Variants in LIPI observed in about 807,000 individuals in gnomAD.
LIPI encodes the protein lipase I.
In LIPI, 59 loss-of-function variants were observed where a neutral mutation model predicts 50.6. The observed-to-expected ratio is 1.16, with a 90% CI of 0.94 to 1.45. The LOEUF is 1.45. LIPI is among the 40% of genes most tolerant of loss of function. The pLI, the probability that LIPI is intolerant of heterozygous loss-of-function variation, is 0.00. For missense variants in LIPI, 586 were observed against 536.3 expected, an observed-to-expected ratio of 1.09 and a Z score of -0.92; for synonymous variants, 203 against 178.2, an observed-to-expected ratio of 1.14 and a Z score of -1.11.
rs1166800812 is a variant in LIPI at position 14,165,315 on chromosome 21, A to C, written c.809T>G (p.Phe270Cys). 6.2e-7 allele frequency: 1 copy of C among 1,612,468 alleles called. No homozygotes were observed. Among genetic ancestry groups the C allele is most frequent in the South Asian group, 1.1e-5 (1 of 91,030 alleles). ...GTATGAACGACAAGGAAATGAAATA[A>C]AATTGCAGTTTGTTTCTAAAGATGC... Reference protein sequence around the residue: ...FMASLETNCNFISFPCRSYKD... With the variant: ...FMASLETNCNCISFPCRSYKD... The change falls in exon 6 of 10, where the codon TTT (phenylalanine) becomes TGT (cysteine). Residue 270 changes from phenylalanine (F) to cysteine (C), a missense_variant. Phe to Cys is a radical substitution (Grantham distance 205). Transcript: ENST00000681601.
intron 4 of LIPI, among the ~76,000 whole-genome samples, chr21:14,174,044 T>G (rs2019009493): frequency 6.6e-6 from 1 of 152,176 alleles, no homozygotes; most frequent in Admixed American, 6.5e-5. Context: ...TTTGTGAAAT[T>G]TCCTCATATA....
chr21:14,122,293 T>C (rs1247564490), intron 9 of LIPI, among the ~76,000 whole-genome samples: 1 of 152,204 alleles, frequency 6.6e-6, no homozygotes, highest in African/African-American at 2.4e-5. Flanking sequence ...AACCAGCTAC[T>C]CTGTCTATGA....
intron 5 of LIPI, among the ~76,000 whole-genome samples, chr21:14,166,066 G>C (rs952236051): frequency 6.6e-6 from 1 of 152,128 alleles, no homozygotes; most frequent in African/African-American, 2.4e-5. Context: ...TATGATACTT[G>C]AGCTACATGT....
chr21:14,109,215 A>G, intron 9 of LIPI, 135 bp from the exon 10 acceptor site: 1 of 704,006 alleles, frequency 1.4e-6, no homozygotes. Flanking sequence ...GAGTTGGAAC[A>G]AATATATGGG....
chr21:14,115,589 G>T (rs2016597684), intron 9 of LIPI, among the ~76,000 whole-genome samples: 1 of 152,132 alleles, frequency 6.6e-6, no homozygotes, highest in South Asian at 2.1e-4. Context: ...TTTGCCTATG[G>T]GTTAGAGCCC....
chr21:14,206,890 G>A, intron 1 of LIPI: 11 of 1,612,190 alleles, frequency 6.8e-6, no homozygotes, highest in Non-Finnish European at 9.3e-6. Flanking sequence ...CTATATTTTT[G>A]GCACAAGTTA....
intron 8 of LIPI, among the ~76,000 whole-genome samples, chr21:14,146,772 ATTTTTTTTTTT>A (rs3048482): frequency 5.5e-5 from 4 of 73,372 alleles, no homozygotes; most frequent in African/African-American, 1.2e-4. Context: ...CCCAGTCTCT[ATTTTTTTTTTT>A]TTTTTTTTTT....
chr21:14,132,523 C>G (rs2017335350), intron 9 of LIPI, among the ~76,000 whole-genome samples: 1 of 152,010 alleles, frequency 6.6e-6, no homozygotes, highest in South Asian at 2.1e-4. Flanking sequence ...CAAGCAAATG[C>G]AAAGAAAATT....
At chr21:14,114,422 C>T (rs1019695081) in intron 9 of LIPI, among the ~76,000 whole-genome samples, 49 of 152,032 alleles carry the variant, frequency 3.2e-4, no homozygotes, top group African/African-American at 1.2e-3. Flanking sequence ...AAGTGCAGGC[C>T]CAGGAGAAAG....
In LIPI at chr21:14,184,687, A is replaced by G. The variant is rs900064427; in HGVS notation, c.541+1274T>C. On this transcript the variant is annotated intron_variant, in intron 3 of 9. Transcript: ENST00000681601. ...TTTTAGTACCTGATGATTGCCTGGT[A>G]TTTGGGCCATTCAAGCTAGACTAAT... 6.6e-5 allele frequency among the ~76,000 whole-genome samples: 10 copies of G among 152,148 alleles called. No individual in the cohort carries two copies. In the South Asian group the frequency reaches 1.0e-3, roughly 16 times the overall value.
At chr21:14,199,606 C>CA (rs199532907) in intron 1 of LIPI, among the ~76,000 whole-genome samples, 4,093 of 137,456 alleles carry the variant, frequency 0.03, 85 homozygotes, top group Non-Finnish European at 0.045. Flanking sequence ...GCCTACCAAC[C>CA]AAAAAAAAAA....
intron 1 of LIPI, among the ~76,000 whole-genome samples, chr21:14,191,174 C>A (rs1428168173): frequency 6.6e-6 from 1 of 151,694 alleles, no homozygotes; most frequent in African/African-American, 2.4e-5. Context: ...GTCAGGAGAT[C>A]GAGACCATCC....
At chr21:14,174,632 T>C (rs1004156853) in intron 4 of LIPI, among the ~76,000 whole-genome samples, 1 of 152,104 alleles carries the variant, frequency 6.6e-6, no homozygotes, top group African/African-American at 2.4e-5. Flanking sequence ...CCGCTCACTG[T>C]GATCTCTGCC....
At chr21:14,188,222 A>G (rs949116929) in intron 2 of LIPI, among the ~76,000 whole-genome samples, 4 of 152,220 alleles carry the variant, frequency 2.6e-5, no homozygotes, top group African/African-American at 9.7e-5. Context: ...TATTTGATCC[A>G]TTCAAATCCT....
chr21:14,153,203 A>G (rs912416222), intron 7 of LIPI, among the ~76,000 whole-genome samples: 15 of 152,282 alleles, frequency 9.9e-5, no homozygotes, highest in African/African-American at 3.6e-4. Flanking sequence ...ACTTTGGTAG[A>G]GTATATCTTG....
intron 1 of LIPI, among the ~76,000 whole-genome samples, chr21:14,208,202 G>A (rs946335839): frequency 1.3e-5 from 2 of 152,136 alleles, no homozygotes; most frequent in African/African-American, 4.8e-5. Flanking sequence ...CCTACAAACA[G>A]GCTTCTAAGG....
intron 8 of LIPI, among the ~76,000 whole-genome samples, chr21:14,148,889 CACTA>C (rs1253792884): frequency 2.0e-5 from 3 of 152,200 alleles, no homozygotes; most frequent in Non-Finnish European, 4.4e-5. Flanking sequence ...CACAACAGTG[CACTA>C]ACTAATCCAA....
rs569228954 is a variant in LIPI at position 14,128,094 on chromosome 21, T to C, written c.1295+16529A>G. Among the ~76,000 whole-genome samples the C allele has an allele frequency of 1.2e-4, 19 of 152,166 alleles. 2 individuals carry two copies. The highest frequency in any genetic ancestry group is 1.2e-3 in the South Asian group (6 of 4,832). On this transcript the variant is annotated intron_variant, in intron 9 of 9. Transcript: ENST00000681601. ...TTGTTTTTTATGTAAATAATGAGACTTGAAGATACTGCAGTGTAGGCTGAA... is the reference window on the plus strand; with the variant it reads ...TTGTTTTTTATGTAAATAATGAGACCTGAAGATACTGCAGTGTAGGCTGAA...
At chr21:14,172,488 T>C (rs2018949814) in intron 4 of LIPI, among the ~76,000 whole-genome samples, 1 of 151,538 alleles carries the variant, frequency 6.6e-6, no homozygotes, top group Non-Finnish European at 1.5e-5. Context: ...AATGATAGAC[T>C]GGATTAAGAA....
Sources: gnomAD v4.1 joint callset for allele counts (sites outside exome capture counted in the v4.1 genomes callset) on GRCh38, gnomAD v4.1.1 for gene constraint, MANE v1.5 for transcripts, NCBI Gene and HGNC (gene_info 2026-07-23, HGNC 2026-07-21) for gene names.